UHRF1: variants seen among roughly 807,000 people sequenced by gnomAD.
UHRF1 encodes ubiquitin like with PHD and ring finger domains 1, also known as E3 ubiquitin-protein ligase UHRF1.
A neutral mutation model predicts 96.5 loss-of-function variants in UHRF1; 9 were observed. The observed-to-expected ratio is 0.09, with a 90% confidence interval of 0.06 to 0.16. The LOEUF (loss-of-function observed/expected upper bound fraction) is 0.16, where lower values mean the gene tolerates loss of function less well. Among genes scored for constraint, UHRF1 ranks in the 10% least tolerant of loss-of-function variants. UHRF1 has a pLI of 1.00. For missense variants in UHRF1, 626 were observed against 1,131.1 expected, an observed-to-expected ratio of 0.55 and a Z score of 6.40; for synonymous variants, 455 against 469.9, an observed-to-expected ratio of 0.97 and a Z score of 0.41.
At chr19:4,945,220 C>T (rs1035211755) in intron 9 of UHRF1, among the ~76,000 whole-genome samples, 1 of 152,180 alleles carries the variant, frequency 6.6e-6, no homozygotes, top group African/African-American at 2.4e-5. Context: ...TAATGAAGGC[C>T]GGCTTTTATA....
At position 4,909,551 on chromosome 19, in the gene UHRF1, T is replaced by A. The variant is rs1270307979; in HGVS notation, c.-115T>A. On this transcript the variant is annotated 5_prime_UTR_variant, in exon 1 of 17. Coordinates refer to ENST00000650932, the MANE Select transcript of UHRF1 (RefSeq NM_001048201.3). ...GCGTTTGCCGAGCGGGCGCTCCGGG[T>A]CGCACGCAAGTCCGCGCGGGGTCCG... is the stretch of plus-strand genomic sequence containing the variant. 1.5e-6 allele frequency: 1 copy of A among 658,854 alleles called. No individual in the cohort carries two copies. The highest frequency in any genetic ancestry group is 1.6e-5 in the South Asian group (1 of 63,548). The allele number at this position is 658,854 out of a possible 1,614,324, so 40.8% of individuals were successfully genotyped here. A position where few individuals can be genotyped will look rare whatever the true frequency, so the allele number is the denominator to read the frequency against.
chr19:4,957,705 G>A (rs1693451285), intron 16 of UHRF1, among the ~76,000 whole-genome samples: 1 of 152,108 alleles, frequency 6.6e-6, no homozygotes, highest in African/African-American at 2.4e-5. Context: ...GTCTGGGGTG[G>A]GGCCGTCCTG....
intron 9 of UHRF1, 89 bp from the exon 10 acceptor site, chr19:4,945,772 C>A: frequency 8.9e-7 from 1 of 1,123,190 alleles, no homozygotes; most frequent in Non-Finnish European, 1.3e-6. Flanking sequence ...AGGCCGCTGG[C>A]TGCTCGGGGT....
At chr19:4,940,034 A>AAAAAC (rs1555751569) in intron 5 of UHRF1, among the ~76,000 whole-genome samples, 102 of 152,120 alleles carry the variant, frequency 6.7e-4, no homozygotes, top group African/African-American at 2.0e-3. Flanking sequence ...AAAAAAAAAA[A>AAAAAC]AAAACACATG....
In UHRF1 at chr19:4,910,974, G is replaced by A. The variant is rs753546324; in HGVS notation, c.89G>A (p.Arg30Gln). ...CTGACCAAGGTGGAGGAGCTGAGGC[G>A]GAAGATCCAGGAGCTGTTCCACGTG... The part of the protein sequence containing the change: ...SRLTKVEELR[R>Q]KIQELFHVEP... The change falls in exon 2 of 17, where the codon CGG (arginine) becomes CAG (glutamine). Residue 30 changes from arginine to glutamine, a missense_variant. Transcript: ENST00000650932. The A allele has an allele frequency of 6.2e-7, 1 of 1,613,194 alleles. No homozygotes were observed. Among genetic ancestry groups the A allele is most frequent in the Non-Finnish European group, 8.5e-7 (1 of 1,179,410 alleles).
chr19:4,908,740 A>G (rs2032130550), upstream of UHRF1, among the ~76,000 whole-genome samples: 1 of 152,072 alleles, frequency 6.6e-6, no homozygotes, highest in Non-Finnish European at 1.5e-5. Flanking sequence ...TTAGTTATTC[A>G]TTTCTTGCCT....
intron 16 of UHRF1, among the ~76,000 whole-genome samples, chr19:4,959,016 C>T (rs999202685): frequency 2.6e-5 from 4 of 151,070 alleles, no homozygotes; most frequent in African/African-American, 7.3e-5. Context: ...CTCACTCTGT[C>T]GCCCAGGCTG....
At chr19:4,918,118 G>GTTTGT (rs929352633) in intron 2 of UHRF1, among the ~76,000 whole-genome samples, 4 of 151,202 alleles carry the variant, frequency 2.6e-5, no homozygotes, top group African/African-American at 9.7e-5. Context: ...GTTTTTTTTT[G>GTTTGT]TTTGTTTTGT....
At chr19:4,920,134 A>G (rs2032657041) in intron 2 of UHRF1, among the ~76,000 whole-genome samples, 2 of 152,200 alleles carry the variant, frequency 1.3e-5, no homozygotes, top group South Asian at 4.1e-4. Flanking sequence ...TAAATTATTA[A>G]TGAAGAATAA....
chr19:4,912,723 G>C (rs117300071), intron 2 of UHRF1, among the ~76,000 whole-genome samples: 1 of 152,072 alleles, frequency 6.6e-6, no homozygotes, highest in Non-Finnish European at 1.5e-5. Flanking sequence ...AGTACCTAGA[G>C]CTCAGTATTT....
intron 2 of UHRF1, among the ~76,000 whole-genome samples, chr19:4,923,051 A>G (rs967540788): frequency 1.3e-5 from 2 of 151,894 alleles, no homozygotes; most frequent in African/African-American, 4.8e-5. Context: ...CCTGCGGGTC[A>G]GGGGCTGCCC....
chr19:4,911,226 C>T (rs2032262475), intron 2 of UHRF1, among the ~76,000 whole-genome samples, 188 bp downstream of exon 2: 1 of 152,032 alleles, frequency 6.6e-6, no homozygotes, highest in Non-Finnish European at 1.5e-5. Flanking sequence ...AAAGGGAGGA[C>T]TCACAGATTG....
intron 9 of UHRF1, among the ~76,000 whole-genome samples, chr19:4,945,345 C>T (rs942515576): frequency 2.6e-5 from 4 of 152,052 alleles, no homozygotes; most frequent in African/African-American, 9.7e-5. Context: ...TGCAACCTCC[C>T]TCTCCTGGGT....
intron 2 of UHRF1, 102 bp from the exon 3 acceptor site, chr19:4,929,120 C>CT (rs371038150): frequency 3.4e-6 from 5 of 1,472,832 alleles, no homozygotes; most frequent in South Asian, 2.6e-5. Flanking sequence ...TTGCCCCCCC[C>CT]CCACAAGGGC....
intron 2 of UHRF1, among the ~76,000 whole-genome samples, chr19:4,926,549 G>A (rs1464165201): frequency 1.3e-5 from 2 of 152,042 alleles, no homozygotes; most frequent in Non-Finnish European, 2.9e-5. Context: ...CTGGTGGATC[G>A]CTTGCTTGAG....
chr19:4,926,363 T>C (rs1038253952), intron 2 of UHRF1, among the ~76,000 whole-genome samples: 4 of 152,190 alleles, frequency 2.6e-5, no homozygotes, highest in Non-Finnish European at 5.9e-5. Flanking sequence ...CTGAGCCTCC[T>C]CCTGGCTCCC....
intron 4 of UHRF1, among the ~76,000 whole-genome samples, chr19:4,932,232 T>C (rs1409273243): frequency 1.3e-5 from 2 of 151,976 alleles, no homozygotes; most frequent in Admixed American, 1.3e-4. Context: ...CATGCCTGGC[T>C]AATTTTTGTA....
chr19:4,913,873 G>A (rs989743804), intron 2 of UHRF1, among the ~76,000 whole-genome samples: 5 of 141,234 alleles, frequency 3.5e-5, no homozygotes, highest in African/African-American at 1.4e-4. Context: ...GTGCAATTGC[G>A]TGATCTCGGC....
At chr19:4,942,023 C>T (rs2033420200) in intron 7 of UHRF1, 92 bp downstream of exon 7, 6 of 1,306,468 alleles carry the variant, frequency 4.6e-6, no homozygotes, top group Middle Eastern at 2.0e-4. Flanking sequence ...GGGGCAGGCG[C>T]GGGGGCTCAC....
Sources: allele counts gnomAD v4.1 joint callset (sites outside exome capture counted in the v4.1 genomes callset), GRCh38; gene constraint gnomAD v4.1.1; transcripts MANE v1.5; gene names NCBI Gene and HGNC (gene_info 2026-07-23, HGNC 2026-07-21).